The following COL26A1 variants were observed in gnomAD, a reference collection of about 807,000 sequenced individuals.
COL26A1 encodes collagen type XXVI alpha 1 chain, also known as collagen alpha-1(XXVI) chain.
Under a neutral mutation model 59.3 loss-of-function variants are expected in COL26A1, and 41 were observed. The ratio of observed to expected loss-of-function variants is 0.69; its 90% CI spans 0.54 to 0.90. COL26A1 has a LOEUF of 0.90. COL26A1 is among the 40% of genes least tolerant of loss of function. COL26A1 has a pLI of 0.00. For synonymous variants in COL26A1, 266 were observed against 256.0 expected (o/e 1.04, Z -0.37); for missense variants, 612 against 602.3 (o/e 1.02, Z -0.17).
chr7:101,370,023 T>C (rs1791148677), intron 1 of COL26A1, among the ~76,000 whole-genome samples: 1 of 151,980 alleles, frequency 6.6e-6, no homozygotes, highest in Non-Finnish European at 1.5e-5. Context: ...CCATCATGCC[T>C]GGCTAATTTT....
chr7:101,466,795 G>GGGGTGTGT (rs755331568), intron 3 of COL26A1, among the ~76,000 whole-genome samples: 1 of 125,174 alleles, frequency 8.0e-6, no homozygotes, highest in African/African-American at 3.1e-5. Context: ...GGCATGTTCT[G>GGGGTGTGT]GTGTGTGTGT....
intron 3 of COL26A1, among the ~76,000 whole-genome samples, chr7:101,498,897 G>A (rs918078763): frequency 1.3e-5 from 2 of 152,188 alleles, no homozygotes; most frequent in African/African-American, 4.8e-5. Context: ...TGAGAATCTG[G>A]TCTTCATCGA....
At chr7:101,366,471 C>G (rs2116994335) in intron 1 of COL26A1, among the ~76,000 whole-genome samples, 1 of 101,090 alleles carries the variant, frequency 9.9e-6, no homozygotes. Context: ...TTGTTAACGT[C>G]TGATTTTTTT....
At chr7:101,407,542 C>T (rs1324851693) in intron 1 of COL26A1, among the ~76,000 whole-genome samples, 1 of 151,710 alleles carries the variant, frequency 6.6e-6, no homozygotes. Context: ...CCATAGATAT[C>T]TCCTCCCGGG....
chr7:101,526,404 C>A (rs1795249415), intron 3 of COL26A1, among the ~76,000 whole-genome samples: 1 of 152,172 alleles, frequency 6.6e-6, no homozygotes, highest in African/African-American at 2.4e-5. Context: ...GGGTGGCCTG[C>A]TGGTGGCACT....
At chr7:101,399,486 G>A (rs1028135268) in intron 1 of COL26A1, among the ~76,000 whole-genome samples, 3 of 152,048 alleles carry the variant, frequency 2.0e-5, no homozygotes, top group East Asian at 1.9e-4. Context: ...ACCACACCTG[G>A]CTAATTTTTG....
chr7:101,439,045 T>C (rs1462311940), intron 2 of COL26A1, among the ~76,000 whole-genome samples: 1 of 152,134 alleles, frequency 6.6e-6, no homozygotes, highest in Non-Finnish European at 1.5e-5. Flanking sequence ...CAGGGACCAG[T>C]GAGGGGCTCG....
intron 1 of COL26A1, among the ~76,000 whole-genome samples, chr7:101,417,167 G>T (rs1302801406): frequency 1.3e-5 from 2 of 152,006 alleles, no homozygotes; most frequent in African/African-American, 4.8e-5. Flanking sequence ...CTGTTGAGTT[G>T]GTGCCTTTCT....
At chr7:101,443,723 C>G (rs1175342758) in intron 2 of COL26A1, among the ~76,000 whole-genome samples, 1 of 152,098 alleles carries the variant, frequency 6.6e-6, no homozygotes, top group Non-Finnish European at 1.5e-5. Flanking sequence ...GACAAAAAAG[C>G]ATCCAACTTA....
chr7:101,460,695 C>T (rs181155718), intron 3 of COL26A1, among the ~76,000 whole-genome samples: 10 of 151,986 alleles, frequency 6.6e-5, no homozygotes, highest in African/African-American at 1.9e-4. Flanking sequence ...GCAGAAGAAT[C>T]GCTTGAACCC....
intron 1 of COL26A1, among the ~76,000 whole-genome samples, chr7:101,381,367 T>G (rs866131335): frequency 6.6e-6 from 1 of 152,174 alleles, no homozygotes; most frequent in African/African-American, 2.4e-5. Context: ...TTAGATTAGG[T>G]TGGGCTCATC....
intron 2 of COL26A1, among the ~76,000 whole-genome samples, chr7:101,429,593 T>A (rs1278459419): frequency 1.9e-5 from 2 of 106,292 alleles, no homozygotes; most frequent in East Asian, 4.4e-4. Context: ...TTTTTACTTT[T>A]TTTTTTTTTT....
At chr7:101,553,990 G>A (rs1795915310) in intron 11 of COL26A1, among the ~76,000 whole-genome samples, 1 of 151,908 alleles carries the variant, frequency 6.6e-6, no homozygotes, top group South Asian at 2.1e-4. Flanking sequence ...GGATGAAGGG[G>A]ATGAAGGGCT....
intron 3 of COL26A1, among the ~76,000 whole-genome samples, chr7:101,473,139 G>A (rs1160099231): frequency 1.3e-5 from 2 of 151,606 alleles, no homozygotes; most frequent in Non-Finnish European, 2.9e-5. Flanking sequence ...GAGTGCAGTG[G>A]CACAATCTCT....
At chr7:101,410,860 GCTAATTTTTTTTT>G (rs148393015) in intron 1 of COL26A1, among the ~76,000 whole-genome samples, 6,863 of 152,246 alleles carry the variant, frequency 0.045, 292 homozygotes, top group African/African-American at 0.12. Flanking sequence ...ACCACACCCA[GCTAATTTTTTTTT>G]CTAATTTTTT....
In COL26A1 at chr7:101,540,068, G is replaced by T; in HGVS notation, c.604+19G>T. The T allele has an allele frequency of 6.2e-7, 1 of 1,606,444 alleles. No homozygotes were observed. ...CCAGCCGGTGAGTGAGGGCTGCAGA[G>T]AGGACAGGCTGGGGCAGCCGAAGGG... On this transcript the variant is annotated intron_variant, in intron 5 of 12. Coordinates refer to ENST00000313669, the MANE Select transcript of COL26A1 (RefSeq NM_001278563.3).
intron 1 of COL26A1, among the ~76,000 whole-genome samples, chr7:101,417,964 A>T (rs967815230): frequency 6.6e-6 from 1 of 151,960 alleles, no homozygotes; most frequent in Non-Finnish European, 1.5e-5. Flanking sequence ...ACCTCAGGTG[A>T]TCCGCCCACT....
chr7:101,519,322 T>C (rs1286870805), intron 3 of COL26A1, among the ~76,000 whole-genome samples: 1 of 152,162 alleles, frequency 6.6e-6, no homozygotes, highest in East Asian at 1.9e-4. Flanking sequence ...TTTTAGTTTT[T>C]CCCCTAGAGA....
At chr7:101,377,154 T>C (rs1791337412) in intron 1 of COL26A1, among the ~76,000 whole-genome samples, 1 of 151,758 alleles carries the variant, frequency 6.6e-6, no homozygotes, top group Non-Finnish European at 1.5e-5. Context: ...CCACTGTGCC[T>C]GGCCTTCTTT....
Sources: gnomAD v4.1 joint callset for allele counts (sites outside exome capture counted in the v4.1 genomes callset) on GRCh38, gnomAD v4.1.1 for gene constraint, MANE v1.5 for transcripts, NCBI Gene and HGNC (gene_info 2026-07-23, HGNC 2026-07-21) for gene names.